Variants in PLEKHD1 observed in about 807,000 individuals in gnomAD.
The protein encoded by PLEKHD1 is pleckstrin homology and coiled-coil domain containing D1.
In PLEKHD1, 51 loss-of-function variants were observed where a neutral mutation model predicts 69.2. The ratio of observed to expected loss-of-function variants is 0.74; its 90% CI spans 0.59 to 0.93. PLEKHD1 has a LOEUF of 0.93. Among genes scored for constraint, PLEKHD1 ranks in the 40% least tolerant of loss-of-function variants. The pLI is 0.00. For synonymous variants in PLEKHD1, 236 were observed against 244.7 expected (o/e 0.96, Z 0.33); for missense variants, 584 against 641.0 (o/e 0.91, Z 0.96).
chr14:69,524,124 C>A, intron 7 of PLEKHD1, 105 bp from the exon 8 acceptor site: 1 of 923,706 alleles, frequency 1.1e-6, no homozygotes, highest in Non-Finnish European at 1.7e-6. Context: ...AAGAGCCCTC[C>A]TGAGCCCCAT....
intron 3 of PLEKHD1, 82 bp from the exon 4 acceptor site, chr14:69,500,789 T>TG: frequency 6.5e-7 from 1 of 1,527,848 alleles, no homozygotes. Context: ...GGATGTGGGG[T>TG]GGGTGACAGG....
At chr14:69,488,188 T>C (rs1882696694) in intron 1 of PLEKHD1, among the ~76,000 whole-genome samples, 1 of 152,188 alleles carries the variant, frequency 6.6e-6, no homozygotes, top group South Asian at 2.1e-4. Flanking sequence ...AGTGGCCATG[T>C]GTCCTAAATC....
chr14:69,526,557 C>T, intron 9 of PLEKHD1, 140 bp from the exon 10 acceptor site: 1 of 1,045,376 alleles, frequency 9.6e-7, no homozygotes, highest in South Asian at 2.2e-5. Flanking sequence ...CCCTGGGTGC[C>T]TGGACCCACA....
At chr14:69,522,457 G>C (rs1209021218) in intron 7 of PLEKHD1, 80 bp downstream of exon 7, 1 of 1,422,450 alleles carries the variant, frequency 7.0e-7, no homozygotes, top group Non-Finnish European at 9.6e-7. Flanking sequence ...ATCTGAGGAG[G>C]CCTCCACCTC....
the PLEKHD1 span, among the ~76,000 whole-genome samples, chr14:69,477,604 G>A: frequency 6.6e-6 from 1 of 152,234 alleles, no homozygotes; most frequent in African/African-American, 2.4e-5. Flanking sequence ...TACAAGCATT[G>A]GGTAAATACA....
upstream of PLEKHD1, among the ~76,000 whole-genome samples, chr14:69,479,984 G>A (rs1012481025): frequency 6.6e-6 from 1 of 152,154 alleles, no homozygotes; most frequent in African/African-American, 2.4e-5. Flanking sequence ...AGGACAAACC[G>A]ATTCAGTAAG....
In PLEKHD1 at chr14:69,500,250, G is replaced by T. The variant is rs1424796614; in HGVS notation, c.243+42G>T. The T allele has an allele frequency of 4.2e-6, 6 of 1,434,838 alleles. No homozygotes were observed. In the East Asian group the frequency reaches 7.4e-5, roughly 18 times the overall value. The allele number at this position is 1,434,838 out of a possible 1,614,324, so 88.9% of individuals were successfully genotyped here. A position where few individuals can be genotyped will look rare whatever the true frequency, so the allele number is the denominator to read the frequency against. ...CAGGGCCACAGCAGGGGAGGGCCCA[G>T]TGCGGGCATCAGAGCTTGCATCTTG... On this transcript the variant is annotated intron_variant, in intron 2 of 12. Transcript: ENST00000322564.
At chr14:69,512,006 C>T (rs1566561961) in intron 6 of PLEKHD1, among the ~76,000 whole-genome samples, 1 of 152,228 alleles carries the variant, frequency 6.6e-6, no homozygotes, top group Admixed American at 6.5e-5. Flanking sequence ...TAATTTATCA[C>T]TGAGCCCCTC....
At chr14:69,515,707 G>A (rs189018527) in intron 6 of PLEKHD1, among the ~76,000 whole-genome samples, 2 of 152,110 alleles carry the variant, frequency 1.3e-5, no homozygotes, top group African/African-American at 4.8e-5. Context: ...GCATGGGCGC[G>A]GGGAAGTGCC....
chr14:69,477,391 C>G, the PLEKHD1 span, among the ~76,000 whole-genome samples: 35 of 152,178 alleles, frequency 2.3e-4, no homozygotes, highest in Non-Finnish European at 3.4e-4. Context: ...CCATATCATT[C>G]TGCCCCTGGC....
chr14:69,501,008 C>A, intron 4 of PLEKHD1, 61 bp downstream of exon 4: 2 of 1,482,354 alleles, frequency 1.3e-6, no homozygotes, highest in Non-Finnish European at 9.2e-7. Flanking sequence ...CGGGGCTGCC[C>A]CTGAACTCCC....
intron 1 of PLEKHD1, among the ~76,000 whole-genome samples, chr14:69,499,241 AC>A (rs1369027024): frequency 6.7e-6 from 1 of 149,038 alleles, no homozygotes; most frequent in African/African-American, 2.6e-5. Context: ...ACACACACAC[AC>A]ACACACACAC....
chr14:69,519,242 A>G (rs931914766), intron 6 of PLEKHD1, among the ~76,000 whole-genome samples: 2 of 152,052 alleles, frequency 1.3e-5, no homozygotes, highest in South Asian at 4.1e-4. Context: ...AGCATAGCAG[A>G]GGGTTGAGCC....
chr14:69,528,186 G>A (rs1256223900), intron 12 of PLEKHD1, 64 bp from the exon 13 acceptor site: 3 of 1,532,302 alleles, frequency 2.0e-6, no homozygotes, highest in Non-Finnish European at 2.6e-6. Context: ...TGAGGCTGGG[G>A]ACAGGGCCAG....
chr14:69,496,283 A>G (rs1275727), intron 1 of PLEKHD1, among the ~76,000 whole-genome samples: 10,931 of 152,222 alleles, frequency 0.072, 1,210 homozygotes, highest in African/African-American at 0.24. Flanking sequence ...TCCAGAAGTG[A>G]CAGGAAGGCA....
chr14:69,491,055 C>T (rs113488331), intron 1 of PLEKHD1, among the ~76,000 whole-genome samples: 1,621 of 152,288 alleles, frequency 0.011, 9 homozygotes, highest in African/African-American at 0.018. Flanking sequence ...AAGACCAAAT[C>T]CCATATCTAA....
intron 6 of PLEKHD1, 118 bp downstream of exon 6, chr14:69,502,997 C>A: frequency 7.7e-7 from 1 of 1,291,436 alleles, no homozygotes; most frequent in Non-Finnish European, 1.1e-6. Flanking sequence ...TCAGATGGGG[C>A]AGGGCGGGGA....
At chr14:69,502,021 G>A (rs118148500) in intron 5 of PLEKHD1, 196 bp downstream of exon 5, 17,333 of 497,854 alleles carry the variant, frequency 0.035, 644 homozygotes, top group South Asian at 0.14. Flanking sequence ...AGGCAGGAGC[G>A]TCTGATGGTT....
At chr14:69,470,203 C>T in the PLEKHD1 span, among the ~76,000 whole-genome samples, 2 of 151,956 alleles carry the variant, frequency 1.3e-5, no homozygotes, top group South Asian at 4.2e-4. Flanking sequence ...TGGCTCATGC[C>T]TGTAATCTCA....
Sources: gnomAD v4.1 joint callset for allele counts (sites outside exome capture counted in the v4.1 genomes callset) on GRCh38, gnomAD v4.1.1 for gene constraint, MANE v1.5 for transcripts, NCBI Gene and HGNC (gene_info 2026-07-23, HGNC 2026-07-21) for gene names.